GMDS: variants seen among roughly 807,000 people sequenced by gnomAD.
The protein encoded by GMDS is GDP-mannose 4,6 dehydratase.
In GMDS, 20 loss-of-function variants were observed where a neutral mutation model predicts 49.9. That is an observed-to-expected ratio of 0.40 (90% CI 0.28 to 0.58). The LOEUF (loss-of-function observed/expected upper bound fraction) is 0.58, where lower values mean the gene tolerates loss of function less well. Ranked by LOEUF, GMDS falls within the 20% of genes least tolerant of loss-of-function variation. GMDS has a pLI of 0.42. For missense variants in GMDS, 362 were observed against 481.4 expected, an observed-to-expected ratio of 0.75 and a Z score of 2.32; for synonymous variants, 177 against 178.6, an observed-to-expected ratio of 0.99 and a Z score of 0.07.
At chr6:1,973,583 T>G (rs927793503) in intron 4 of GMDS, among the ~76,000 whole-genome samples, 3 of 152,124 alleles carry the variant, frequency 2.0e-5, no homozygotes, top group African/African-American at 7.2e-5. Flanking sequence ...TGGGGACAAA[T>G]AATGAAAAGT....
intron 4 of GMDS, among the ~76,000 whole-genome samples, chr6:2,102,660 G>C (rs916493327): frequency 1.3e-5 from 2 of 152,172 alleles, no homozygotes; most frequent in African/African-American, 4.8e-5. Flanking sequence ...GCAGTCACCT[G>C]CAAAACATAT....
intron 6 of GMDS, among the ~76,000 whole-genome samples, chr6:1,953,510 T>A (rs1324945979): frequency 6.6e-6 from 1 of 152,222 alleles, no homozygotes; most frequent in Non-Finnish European, 1.5e-5. Context: ...AATACACTCA[T>A]ATTAGTGTTA....
chr6:2,220,383 C>T (rs1780529875), intron 1 of GMDS, among the ~76,000 whole-genome samples: 1 of 152,164 alleles, frequency 6.6e-6, no homozygotes, highest in South Asian at 2.1e-4. Context: ...ATGCTCTGTG[C>T]TGCTTGGTTA....
At chr6:1,741,485 GAAAATTTTCCA>G (rs1227408520) in intron 8 of GMDS, among the ~76,000 whole-genome samples, 1 of 151,796 alleles carries the variant, frequency 6.6e-6, no homozygotes, top group Admixed American at 6.6e-5. Flanking sequence ...AAGAAATTTG[GAAAATTTTCCA>G]AATTTCTTTC....
At chr6:2,234,797 G>A (rs1479655676) in intron 1 of GMDS, among the ~76,000 whole-genome samples, 2 of 152,128 alleles carry the variant, frequency 1.3e-5, no homozygotes, top group African/African-American at 4.8e-5. Flanking sequence ...AGCAAAAAAA[G>A]AGAAAGCATT....
At chr6:1,984,973 C>A (rs1003171540) in intron 4 of GMDS, among the ~76,000 whole-genome samples, 3 of 152,134 alleles carry the variant, frequency 2.0e-5, no homozygotes, top group Non-Finnish European at 2.9e-5. Context: ...GGGATTTCAG[C>A]CCCCATGAGT....
chr6:1,714,129 C>T (rs1766083343), intron 9 of GMDS, among the ~76,000 whole-genome samples: 3 of 152,088 alleles, frequency 2.0e-5, no homozygotes, highest in Admixed American at 6.5e-5. Context: ...GCCATTCTCC[C>T]GCCTCAGCCT....
chr6:1,662,294 G>A, intron 9 of GMDS, among the ~76,000 whole-genome samples: 1 of 152,188 alleles, frequency 6.6e-6, no homozygotes, highest in African/African-American at 2.4e-5. Context: ...ATGTGTGGAT[G>A]ATGACAGTGA....
intron 9 of GMDS, among the ~76,000 whole-genome samples, chr6:1,698,476 G>C (rs1765421138): frequency 1.3e-5 from 2 of 152,226 alleles, no homozygotes; most frequent in Admixed American, 1.3e-4. Context: ...TTTCCAGAAA[G>C]AGTTGAGTAT....
At chr6:2,137,798 C>T (rs1226670126) in intron 1 of GMDS, among the ~76,000 whole-genome samples, 2 of 152,210 alleles carry the variant, frequency 1.3e-5, no homozygotes, top group Admixed American at 1.3e-4. Flanking sequence ...ACTGCCTTCA[C>T]TGTCTTCCAT....
At chr6:1,624,291 C>T (rs1581381238) in intron 10 of GMDS, 60 bp from the exon 11 acceptor site, 1 of 1,489,230 alleles carries the variant, frequency 6.7e-7, no homozygotes, top group East Asian at 2.3e-5. Context: ...GGTGACACCC[C>T]ACCCCGGGTG....
chr6:2,101,135 A>G (rs747520085), intron 4 of GMDS, among the ~76,000 whole-genome samples: 63 of 151,894 alleles, frequency 4.1e-4, no homozygotes, highest in Non-Finnish European at 7.5e-4. Flanking sequence ...TATGTAATTT[A>G]TGTTACATTA....
At chr6:2,160,663 G>A (rs1438219733) in intron 1 of GMDS, among the ~76,000 whole-genome samples, 2 of 152,094 alleles carry the variant, frequency 1.3e-5, no homozygotes, top group Non-Finnish European at 2.9e-5. Context: ...AGCCTCCTGG[G>A]TAGCTGGAAC....
intron 7 of GMDS, among the ~76,000 whole-genome samples, chr6:1,832,486 T>C (rs1261375007): frequency 6.6e-6 from 1 of 152,120 alleles, no homozygotes; most frequent in African/African-American, 2.4e-5. Context: ...TTATTTTTTT[T>C]ATGTGTGTTG....
chr6:1,905,668 G>A lies in GMDS; in HGVS notation c.771+24435C>T, dbSNP rs71550094. Among the ~76,000 whole-genome samples, 157 of 91,900 alleles carry A rather than the reference G, an allele frequency of 1.7e-3. 1 individual carries two copies. Among genetic ancestry groups the A allele is most frequent in the African/African-American group, 7.2e-3 (149 of 20,576 alleles). The allele number at this position is 91,900 out of a possible 152,430, so 60.3% of individuals were successfully genotyped here. Reference sequence around the variant, plus strand: ...CCAGCACATAGCTGTGGGTGCTGGCGTGTAGGTGGGGCCTCAAAGGTACCT... The same window carrying A: ...CCAGCACATAGCTGTGGGTGCTGGCATGTAGGTGGGGCCTCAAAGGTACCT... On this transcript the variant is annotated intron_variant, in intron 7 of 10. Transcript: ENST00000380815.
chr6:1,848,249 G>A (rs759476135), intron 7 of GMDS, among the ~76,000 whole-genome samples: 17 of 152,088 alleles, frequency 1.1e-4, no homozygotes, highest in African/African-American at 2.2e-4. Flanking sequence ...ACAGTGCTCC[G>A]TTATGTAGCC....
intron 9 of GMDS, among the ~76,000 whole-genome samples, chr6:1,712,610 A>G (rs1766013131): frequency 6.6e-6 from 1 of 152,186 alleles, no homozygotes. Flanking sequence ...CTTATCATCA[A>G]CTCAGGGTTT....
intron 4 of GMDS, among the ~76,000 whole-genome samples, chr6:2,085,481 C>T (rs1247961364): frequency 1.3e-5 from 2 of 152,170 alleles, no homozygotes; most frequent in Admixed American, 1.3e-4. Flanking sequence ...TATGCACTTC[C>T]TTCCAGTTTC....
chr6:2,045,878 T>G (rs1769979207), intron 4 of GMDS, among the ~76,000 whole-genome samples: 1 of 152,198 alleles, frequency 6.6e-6, no homozygotes, highest in Admixed American at 6.5e-5. Flanking sequence ...TACGGGTCAC[T>G]AAAAACAATA....
Sources: allele counts gnomAD v4.1 joint callset (sites outside exome capture counted in the v4.1 genomes callset), GRCh38; gene constraint gnomAD v4.1.1; transcripts MANE v1.5; gene names NCBI Gene and HGNC (gene_info 2026-07-23, HGNC 2026-07-21).